Variants in PRSS53 observed in about 807,000 individuals in gnomAD.
The protein encoded by PRSS53 is EDTP308.
Under a neutral mutation model 62.7 loss-of-function variants are expected in PRSS53, and 54 were observed. The observed-to-expected ratio is 0.86, with a 90% CI of 0.69 to 1.08. The LOEUF is 1.08. Among genes scored for constraint, PRSS53 ranks in the 50% least tolerant of loss-of-function variants. The pLI, the probability that PRSS53 is intolerant of heterozygous loss-of-function variation, is 0.00. For synonymous variants in PRSS53, 273 were observed against 300.0 expected (o/e 0.91, Z 0.93); for missense variants, 688 against 728.3 (o/e 0.94, Z 0.64).
Position 31,083,794 on chromosome 16 carries a change from C to T in PRSS53, c.1658G>A (p.Cys553Tyr), listed in dbSNP as rs182093647. 8.7e-5 allele frequency: 141 copies of T among 1,614,092 alleles called. No homozygotes were observed. The African/African-American group carries it at 1.6e-3, about 19-fold the overall frequency. ...TGAGAATGGCCAGGTCCCCTGTCAG[C>T]AGCTGGTTGGTTGGCCTGTGGGGAA... is the stretch of plus-strand genomic sequence containing the variant. Residue 553 changes from cysteine (C) to tyrosine (Y), a missense_variant, in exon 11 of 11, where the codon TGC becomes TAC. Cys to Tyr is a radical substitution (Grantham distance 194). Coordinates refer to ENST00000280606, the Ensembl canonical transcript of PRSS53.
chr16:31,086,767 T>C, exon 4 of PRSS53: 1 of 1,612,742 alleles, frequency 6.2e-7, no homozygotes, highest in Non-Finnish European at 8.5e-7. Flanking sequence ...GTCTGAGCCC[T>C]GGCTGTAGTG....
chr16:31,084,524 C>T, intron 9 of PRSS53, 34 bp downstream of exon 9: 1 of 1,580,978 alleles, frequency 6.3e-7, no homozygotes, highest in Non-Finnish European at 8.6e-7. Flanking sequence ...ATGCCAGGGG[C>T]CTGTTAGGTA....
exon 6 of PRSS53, chr16:31,086,154 G>A (rs750196393): frequency 8.1e-6 from 13 of 1,612,182 alleles, no homozygotes; most frequent in Middle Eastern, 1.9e-4. Context: ...CGTCAGGCTC[G>A]AGGCACAGCA....
intron 1 of PRSS53, chr16:31,088,430 G>A: frequency 8.1e-7 from 1 of 1,239,350 alleles, no homozygotes; most frequent in Non-Finnish European, 1.0e-6. Flanking sequence ...GGGAAACTGA[G>A]GCCAGAGGAG....
chr16:31,085,733 C>T (rs1005533465), intron 6 of PRSS53, among the ~76,000 whole-genome samples: 1 of 152,172 alleles, frequency 6.6e-6, no homozygotes, highest in African/African-American at 2.4e-5. Context: ...CTGCCACTTC[C>T]CCAGAAACCC....
rs2057216021 is a variant in PRSS53, at chr16:31,084,926, TC to T, written c.1132del (p.Glu378ArgfsTer15). ...CAGGAGGGCCATGTCGTAGCCCCCC[TC>T]AGGGTGGGTGTAGGCTCCATGCAGG... On this transcript the variant is annotated frameshift_variant, in exon 8 of 11. Coordinates refer to ENST00000280606, the Ensembl canonical transcript of PRSS53. LOFTEE classifies it high-confidence loss of function. The T allele has an allele frequency of 3.9e-6, 6 of 1,544,016 alleles. No individual in the cohort carries two copies. The highest frequency in any genetic ancestry group is 2.0e-5 in the Admixed American group (1 of 50,260).
intron 9 of PRSS53, 61 bp from the exon 10 acceptor site, chr16:31,084,396 C>A: frequency 6.5e-7 from 1 of 1,535,802 alleles, no homozygotes; most frequent in South Asian, 1.2e-5. Flanking sequence ...GACGGTAGAG[C>A]AGGCTAGGGA....
exon 6 of PRSS53, chr16:31,086,120 T>A: frequency 3.1e-6 from 5 of 1,613,482 alleles, no homozygotes; most frequent in Non-Finnish European, 4.2e-6. Context: ...GCAAAGCTGA[T>A]GATGCCAGCC....
At chr16:31,084,127 G>C in exon 10 of PRSS53, 1 of 1,577,230 alleles carries the variant, frequency 6.3e-7, no homozygotes, top group African/African-American at 1.3e-5. Context: ...ACTTATGTTG[G>C]CCAGGCAGCT....
chr16:31,088,048 T>C, intron 1 of PRSS53: 1 of 1,438,768 alleles, frequency 7.0e-7, no homozygotes, highest in Non-Finnish European at 9.1e-7. Context: ...TCAGCTGTGC[T>C]CAGCACTCTG....
exon 11 of PRSS53, chr16:31,083,513 C>T (rs2057192957): frequency 1.5e-6 from 2 of 1,337,862 alleles, no homozygotes; most frequent in Non-Finnish European, 1.9e-6. Context: ...TTCAAAACAA[C>T]GTGGCTGGCG....
exon 5 of PRSS53, chr16:31,086,460 A>T: frequency 1.2e-6 from 2 of 1,613,882 alleles, no homozygotes; most frequent in Non-Finnish European, 1.7e-6. Flanking sequence ...GACTGATGAG[A>T]CGCAGGCGCA....
chr16:31,088,609 A>C (rs2057258809), intron 1 of PRSS53, 143 bp downstream of exon 1: 1 of 1,487,172 alleles, frequency 6.7e-7, no homozygotes, highest in South Asian at 1.3e-5. Context: ...ATACCACCCC[A>C]CAGAGTCCTA....
chr16:31,088,620 C>T (rs370045141), intron 1 of PRSS53, 132 bp downstream of exon 1: 20 of 1,524,476 alleles, frequency 1.3e-5, no homozygotes, highest in Middle Eastern at 4.8e-4. Context: ...CAGAGTCCTA[C>T]GGAGTTACAT....
chr16:31,086,941 TA>T, intron 3 of PRSS53, 43 bp from the exon 4 acceptor site: 1 of 1,532,638 alleles, frequency 6.5e-7, no homozygotes, highest in Non-Finnish European at 8.8e-7. Context: ...AGTGCAAGGG[TA>T]GACAGTGACA....
At position 31,084,322 on chromosome 16, in the gene PRSS53, G is replaced by T. The variant is rs571013204; in HGVS notation, c.1439C>A (p.Ala480Glu). 7 of 1,612,130 alleles carry T rather than the reference G, an allele frequency of 4.3e-6. No homozygotes were observed. The Admixed American group carries it at 1.2e-4, about 27-fold the overall frequency. The stretch of plus-strand genomic sequence containing the variant: ...GCCCCTCACCTCATGCACCAGTGGT[G>T]CCCCAGACAGGCCCTGTCAGGGGTC... The change falls in exon 10 of 11, where the codon GCA (alanine) becomes GAA (glutamate). Residue 480 changes from alanine to glutamate, a missense_variant. Physicochemically the swap from Ala to Glu is moderately radical, Grantham distance 107. Coordinates refer to ENST00000280606, the Ensembl canonical transcript of PRSS53.
chr16:31,083,912 G>T, intron 10 of PRSS53, 103 bp from the exon 11 acceptor site: 1 of 1,583,550 alleles, frequency 6.3e-7, no homozygotes, highest in South Asian at 1.2e-5. Flanking sequence ...TGGCCGCCAT[G>T]ACAGATGAGA....
chr16:31,085,401 C>T, intron 6 of PRSS53, 141 bp from the exon 7 acceptor site: 1 of 1,047,268 alleles, frequency 9.5e-7, no homozygotes, highest in Non-Finnish European at 1.3e-6. Flanking sequence ...TAAGAGACTT[C>T]CTTGCTCTGT....
rs570010971 is a variant in PRSS53, at chr16:31,088,078, G to A, written c.59-252C>T. On this transcript the variant is annotated intron_variant, in intron 1 of 10. Coordinates refer to ENST00000280606, the Ensembl canonical transcript of PRSS53. ...ACTCTGGGGCTTGGGGTTCAGCTTG[G>A]GAGTAGGCCAGCCCTCCTCCAGGCT... 2.4e-5 allele frequency: 34 copies of A among 1,406,006 alleles called. No homozygotes were observed. In the African/African-American group the frequency reaches 3.3e-4, roughly 14 times the overall value. 87.1% of individuals were successfully genotyped at this position (1,406,006 alleles called of 1,614,324 possible).
Sources: allele counts gnomAD v4.1 joint callset (sites outside exome capture counted in the v4.1 genomes callset), GRCh38; gene constraint gnomAD v4.1.1; transcripts MANE v1.5; gene names NCBI Gene and HGNC (gene_info 2026-07-23, HGNC 2026-07-21).